Variants in PKP2 observed in about 807,000 individuals in gnomAD.
PKP2 encodes the protein plakophilin-2.
Under a neutral mutation model 83.4 loss-of-function variants are expected in PKP2, and 73 were observed. That is an observed-to-expected ratio of 0.88 (90% CI 0.72 to 1.06). PKP2 has a LOEUF of 1.06. Among genes scored for constraint, PKP2 ranks in the 50% least tolerant of loss-of-function variants. The pLI, the probability that PKP2 is intolerant of heterozygous loss-of-function variation, is 0.00. For missense variants in PKP2, 966 were observed against 1,065.4 expected, an observed-to-expected ratio of 0.91 and a Z score of 1.30; for synonymous variants, 409 against 430.4, an observed-to-expected ratio of 0.95 and a Z score of 0.62.
intron 6 of PKP2, 132 bp from the exon 7 acceptor site, chr12:32,824,294 G>T: frequency 1.4e-6 from 1 of 721,580 alleles, no homozygotes; most frequent in East Asian, 2.6e-5. Context: ...TGGCAGACTT[G>T]CCCAGTCAAC....
intron 1 of PKP2, among the ~76,000 whole-genome samples, chr12:32,887,453 C>G (rs988986760): frequency 6.6e-6 from 1 of 152,132 alleles, no homozygotes; most frequent in Non-Finnish European, 1.5e-5. Context: ...TTAAATGTCC[C>G]CCTCCCACTT....
intron 6 of PKP2, among the ~76,000 whole-genome samples, chr12:32,832,248 C>T (rs921791227): frequency 2.0e-5 from 3 of 151,772 alleles, no homozygotes; most frequent in Non-Finnish European, 4.4e-5. Flanking sequence ...CGTGGTGGTG[C>T]GCACCTGTAG....
intron 3 of PKP2, among the ~76,000 whole-genome samples, chr12:32,875,180 A>G (rs963233430): frequency 3.3e-5 from 5 of 152,168 alleles, no homozygotes; most frequent in African/African-American, 9.7e-5. Flanking sequence ...AATAGCCACA[A>G]TATATTTTTC....
At chr12:32,843,953 C>T (rs1411584976) in intron 5 of PKP2, among the ~76,000 whole-genome samples, 1 of 152,146 alleles carries the variant, frequency 6.6e-6, no homozygotes, top group Admixed American at 6.5e-5. Context: ...CTGCCAGAAG[C>T]TTAAGAATGT....
At chr12:32,872,253 C>T (rs916066622) in intron 3 of PKP2, among the ~76,000 whole-genome samples, 37 of 152,116 alleles carry the variant, frequency 2.4e-4, no homozygotes, top group African/African-American at 8.9e-4. Flanking sequence ...GTAACTTGGC[C>T]GGGCGGTGGT....
intron 6 of PKP2, among the ~76,000 whole-genome samples, chr12:32,832,956 T>C (rs904337061): frequency 6.6e-6 from 1 of 152,058 alleles, no homozygotes; most frequent in Non-Finnish European, 1.5e-5. Flanking sequence ...AGAATGAAAA[T>C]GCATACAGGC....
At chr12:32,858,867 T>A (rs1370805146) in intron 4 of PKP2, among the ~76,000 whole-genome samples, 3 of 152,208 alleles carry the variant, frequency 2.0e-5, no homozygotes, top group Non-Finnish European at 4.4e-5. Flanking sequence ...ACTTCATGAA[T>A]AATTAATGAA....
intron 11 of PKP2, chr12:32,793,006 T>G: frequency 2.4e-6 from 1 of 411,970 alleles, no homozygotes; most frequent in East Asian, 5.5e-5. Flanking sequence ...ATCCCAGCAC[T>G]TTTGGGAGGC....
rs529534600 is a variant in PKP2 at position 32,829,045 on chromosome 12, C to T, written c.1557-4883G>A. Among the ~76,000 whole-genome samples the T allele has an allele frequency of 2.6e-5, 4 of 152,196 alleles. No homozygotes were observed. In the South Asian group the frequency reaches 8.3e-4, roughly 32 times the overall value. ...CAACTTTCCAGGCTCAAGCAGTGCA[C>T]CTATCTCAGCCATCTGAGTAGGTGC... On this transcript the variant is annotated intron_variant, in intron 6 of 12. Coordinates refer to ENST00000340811, the MANE Select transcript of PKP2 (RefSeq NM_001005242.3).
chr12:32,877,989 G>A lies in PKP2; in HGVS notation c.891C>T (p.Ser297=). 6.2e-7 allele frequency: 1 copy of A among 1,614,040 alleles called. No individual in the cohort carries two copies. The highest frequency in any genetic ancestry group is 1.7e-4 in the Middle Eastern group (1 of 6,018). ...GCCCAGCTTCCCTCAGCGTGCGGGT[G>A]CTGTGGAAGGAGCTCTGATGCCAGG... The part of the protein sequence containing the change: ...RSSWHQSSFH[S]TRTLREAGPS... Residue 297 remains serine, a synonymous_variant, in exon 3 of 13, where the codon AGC becomes AGT. Transcript: ENST00000340811.
chr12:32,821,371 C>T lies in PKP2; in HGVS notation c.1998G>A (p.Thr666=), dbSNP rs371089832. 27 of 1,613,948 alleles carry T rather than the reference C, an allele frequency of 1.7e-5. No individual in the cohort carries two copies. The highest frequency in any genetic ancestry group is 1.0e-4 in the Admixed American group (6 of 59,986). ...EASLGALQNL[T]AGSGPMPTSV... is the part of the protein sequence containing the mutation. ...CAATACTCACTGGTCCACTTCCGGCCGTGAGGTTCTGCAGAGCTCCTAAGG... is the reference window on the plus strand; with the variant it reads ...CAATACTCACTGGTCCACTTCCGGCTGTGAGGTTCTGCAGAGCTCCTAAGG... The change falls in exon 9 of 13, where the codon ACG becomes ACA. Residue 666 remains threonine (T), a synonymous_variant. Transcript: ENST00000340811.
intron 9 of PKP2, among the ~76,000 whole-genome samples, chr12:32,805,142 G>A (rs1394934294): frequency 6.6e-6 from 1 of 150,996 alleles, no homozygotes; most frequent in African/African-American, 2.4e-5. Flanking sequence ...ACTTTTTAAT[G>A]GGGTTGTTTT....
chr12:32,815,572 G>C (rs1007300617), intron 9 of PKP2, among the ~76,000 whole-genome samples: 5 of 152,144 alleles, frequency 3.3e-5, no homozygotes, highest in African/African-American at 1.2e-4. Flanking sequence ...GAAGGTACTT[G>C]AAAACAAGAT....
chr12:32,882,745 T>A (rs186277497), intron 1 of PKP2, among the ~76,000 whole-genome samples: 1 of 152,352 alleles, frequency 6.6e-6, no homozygotes, highest in East Asian at 1.9e-4. Flanking sequence ...TATTCTGTGA[T>A]GCGGAGCCAG....
intron 9 of PKP2, among the ~76,000 whole-genome samples, chr12:32,811,379 T>A (rs924519149): frequency 6.6e-6 from 1 of 152,244 alleles, no homozygotes; most frequent in African/African-American, 2.4e-5. Flanking sequence ...ATCAGCATTA[T>A]AGACTTGTTT....
At chr12:32,843,481 C>A (rs1352482394) in intron 5 of PKP2, among the ~76,000 whole-genome samples, 1 of 152,192 alleles carries the variant, frequency 6.6e-6, no homozygotes, top group African/African-American at 2.4e-5. Flanking sequence ...TTGGTCCAAC[C>A]AATTAGAACA....
intron 1 of PKP2, among the ~76,000 whole-genome samples, chr12:32,884,637 T>A (rs1409077413): frequency 1.3e-5 from 2 of 152,208 alleles, no homozygotes; most frequent in Non-Finnish European, 2.9e-5. Context: ...TTTTCTCCTC[T>A]ACACAAGCAA....
rs878943755 is a variant in PKP2 at position 32,878,062 on chromosome 12, G to A, written c.818C>T (p.Pro273Leu). The A allele has an allele frequency of 8.7e-6, 14 of 1,613,882 alleles. No homozygotes were observed. In the East Asian group the frequency reaches 1.3e-4, roughly 15 times the overall value. The change falls in exon 3 of 13, where the codon CCG becomes CTG. Residue 273 changes from proline (P) to leucine (L), a missense_variant. Physicochemically the swap from Pro to Leu is moderately conservative, Grantham distance 98. Coordinates refer to ENST00000340811, the MANE Select transcript of PKP2 (RefSeq NM_001005242.3). The part of the protein sequence containing the change: ...TAGLTVGQVR[P>L]LVPLQPVTQN... The stretch of plus-strand genomic sequence containing the variant: ...AGTGACGGGCTGCAGGGGCACCAGC[G>A]GCCTGACCTGCCCGACAGTGAGCCC...
At chr12:32,818,756 T>C (rs980885053) in intron 9 of PKP2, among the ~76,000 whole-genome samples, 5 of 152,160 alleles carry the variant, frequency 3.3e-5, no homozygotes, top group Non-Finnish European at 7.4e-5. Context: ...AGGTACACGG[T>C]CATTAATTGC....
Sources: gnomAD v4.1 joint callset for allele counts (sites outside exome capture counted in the v4.1 genomes callset) on GRCh38, gnomAD v4.1.1 for gene constraint, MANE v1.5 for transcripts, NCBI Gene and HGNC (gene_info 2026-07-23, HGNC 2026-07-21) for gene names.